Variants in FCER2 observed in about 807,000 individuals in gnomAD.
The protein encoded by FCER2 is Fc epsilon receptor II.
Under a neutral mutation model 49.7 loss-of-function variants are expected in FCER2, and 38 were observed. The observed-to-expected ratio is 0.76, with a 90% CI of 0.59 to 1.00. The LOEUF (loss-of-function observed/expected upper bound fraction) is 1.00, where lower values mean the gene tolerates loss of function less well. Ranked by LOEUF, FCER2 falls within the 50% of genes least tolerant of loss-of-function variation. The pLI is 0.00. For missense variants in FCER2, 425 were observed against 419.5 expected, an observed-to-expected ratio of 1.01 and a Z score of -0.11; for synonymous variants, 163 against 164.6, an observed-to-expected ratio of 0.99 and a Z score of 0.07.
intron 2 of FCER2, chr19:7,699,466 T>C: frequency 2.8e-6 from 4 of 1,445,846 alleles, no homozygotes; most frequent in Non-Finnish European, 3.6e-6. Flanking sequence ...CCCCGCTCCC[T>C]AGCTGAAGCC....
At position 7,697,544 on chromosome 19, in the gene FCER2, A is replaced by G; in HGVS notation, c.236T>C (p.Met79Thr). ...TCACTCACACTGGGATTTCTGCGCC[A>G]TCTGGTCACCGTGGTGGCTTTCCAA... ...KNLESHHGDQMAQKSQSTQIS... is the reference protein window; with the variant it reads ...KNLESHHGDQTAQKSQSTQIS... Residue 79 changes from methionine to threonine, a missense_variant, in exon 5 of 11, where the codon ATG becomes ACG. Coordinates refer to ENST00000597921, the MANE Select transcript of FCER2 (RefSeq NM_001220500.2). The G allele has an allele frequency of 6.2e-7, 1 of 1,613,986 alleles. No individual in the cohort carries two copies. The highest frequency in any genetic ancestry group is 8.5e-7 in the Non-Finnish European group (1 of 1,179,950).
chr19:7,700,617 C>T (rs59268083), intron 1 of FCER2, among the ~76,000 whole-genome samples: 68 of 151,914 alleles, frequency 4.5e-4, no homozygotes, highest in African/African-American at 1.3e-3. Flanking sequence ...TGGGTTCAAG[C>T]GATTCTCCCG....
At chr19:7,693,367 C>T (rs1236582877) in intron 8 of FCER2, among the ~76,000 whole-genome samples, 1 of 152,080 alleles carries the variant, frequency 6.6e-6, no homozygotes, top group Non-Finnish European at 1.5e-5. Flanking sequence ...CTCCCCTTCC[C>T]CCCACCGCAG....
In FCER2 at chr19:7,699,664, G is replaced by T. The variant is rs752360163; in HGVS notation, c.22+75C>A. On this transcript the variant is annotated intron_variant, in intron 2 of 10. Transcript: ENST00000597921. ...TCCCAGAGAGGGACTGGGGAGCCCCGCTTCTCTTCTGGGTGAAAGGCAGTA... is the reference window on the plus strand; with the variant it reads ...TCCCAGAGAGGGACTGGGGAGCCCCTCTTCTCTTCTGGGTGAAAGGCAGTA... 3.5e-5 allele frequency: 45 copies of T among 1,295,480 alleles called. 1 individual carries two copies. The Middle Eastern group carries it at 5.8e-4, about 17-fold the overall frequency. The allele number at this position is 1,295,480 out of a possible 1,614,324, so 80.2% of individuals were successfully genotyped here. A position where few individuals can be genotyped will look rare whatever the true frequency, so the allele number is the denominator to read the frequency against.
intron 10 of FCER2, 61 bp downstream of exon 10, chr19:7,690,098 G>T: frequency 9.5e-7 from 1 of 1,056,266 alleles, no homozygotes; most frequent in Non-Finnish European, 1.5e-6. Context: ...TTTATCTAGG[G>T]AGCTCCTCCC....
At chr19:7,689,755 G>A (rs1259470951) in intron 10 of FCER2, among the ~76,000 whole-genome samples, 1 of 152,142 alleles carries the variant, frequency 6.6e-6, no homozygotes, top group Non-Finnish European at 1.5e-5. Flanking sequence ...AAATAGCTGG[G>A]ATTACAGGCG....
rs1473218872 is a variant in FCER2, at chr19:7,689,352, G to C, written c.807C>G (p.Asn269Lys). ...CCAGCTTACGGTCGCAGAAGGCGTC[G>C]TTCCAGCGACCGGAGCCCCGCATCA... ...CVMMRGSGRW[N>K]DAFCDRKLGA... Residue 269 changes from asparagine (N) to lysine (K), a missense_variant, in exon 11 of 11, where the codon AAC (asparagine) becomes AAG (lysine). Asn to Lys is a moderately conservative substitution (Grantham distance 94). Transcript: ENST00000597921. 5 of 1,611,146 alleles carry C rather than the reference G, an allele frequency of 3.1e-6. No homozygotes were observed. In the Admixed American group the frequency reaches 8.4e-5, roughly 27 times the overall value.
At position 7,689,269 on chromosome 19, in the gene FCER2, G is replaced by A. The variant is rs1437613731; in HGVS notation, c.890C>T (p.Ala297Val). ...TCTPPASEGS[A>V]ESMGPDSRPD... ...TCTTGAATCAGGTCCCATGGACTCC[G>A]CGGAACCTTCGCTGGCTGGCGGCGT... Residue 297 changes from alanine (A) to valine (V), a missense_variant, in exon 11 of 11, where the codon GCG becomes GTG. Ala to Val is a moderately conservative substitution (Grantham distance 64). Coordinates refer to ENST00000597921, the MANE Select transcript of FCER2 (RefSeq NM_001220500.2). 6.2e-7 allele frequency: 1 copy of A among 1,613,706 alleles called. No individual in the cohort carries two copies. The highest frequency in any genetic ancestry group is 1.7e-5 in the Admixed American group (1 of 59,994).
At chr19:7,691,824 T>C (rs1381840376) in intron 8 of FCER2, among the ~76,000 whole-genome samples, 3 of 152,022 alleles carry the variant, frequency 2.0e-5, no homozygotes, top group Non-Finnish European at 4.4e-5. Flanking sequence ...CATGACTACA[T>C]TGCCAGTTCC....
At chr19:7,690,654 G>C (rs1295584885) in intron 8 of FCER2, 97 bp from the exon 9 acceptor site, 1 of 1,298,252 alleles carries the variant, frequency 7.7e-7, no homozygotes, top group East Asian at 2.5e-5. Context: ...GCCACTCCTG[G>C]GGTCCCGGCT....
chr19:7,693,365 C>T (rs2032931122), intron 8 of FCER2, among the ~76,000 whole-genome samples: 1 of 151,786 alleles, frequency 6.6e-6, no homozygotes, highest in African/African-American at 2.4e-5. Flanking sequence ...TTCTCCCCTT[C>T]CCCCCACCGC....
In FCER2 at chr19:7,689,219, T is replaced by C. The variant is rs1599430127; in HGVS notation, c.940A>G (p.Thr314Ala). ...CAAGAGTGGAGAGGGGCAGAGGGGGTGGGCAGGCGGCCGTCAGGGTCTGGT... is the reference window on the plus strand; with the variant it reads ...CAAGAGTGGAGAGGGGCAGAGGGGGCGGGCAGGCGGCCGTCAGGGTCTGGT... ...SRPDPDGRLP[T>A]PSAPLHS Residue 314 changes from threonine to alanine, a missense_variant, in exon 11 of 11, where the codon ACC becomes GCC. Thr to Ala is a moderately conservative substitution (Grantham distance 58, BLOSUM62 0). Transcript: ENST00000597921. 5.6e-6 allele frequency: 9 copies of C among 1,611,918 alleles called. No individual in the cohort carries two copies. Among genetic ancestry groups the C allele is most frequent in the Non-Finnish European group, 7.6e-6 (9 of 1,178,756 alleles).
rs755674707 is a variant in FCER2, at chr19:7,698,338, A to G, written c.190+18T>C. On this transcript the variant is annotated intron_variant, in intron 4 of 10. Transcript: ENST00000597921. ...CCTAACCCTCACCCCCACCCCCTCC[A>G]CCTTGACCCCTTCATACCGTTCCGG... The G allele has an allele frequency of 4.4e-6, 7 of 1,582,944 alleles. No homozygotes were observed. The highest frequency in any genetic ancestry group is 6.0e-6 in the Non-Finnish European group (7 of 1,159,028).
Position 7,698,781 on chromosome 19 carries a change from G to T in FCER2, c.96C>A (p.Ala32=), listed in dbSNP as rs185214885. The change falls in exon 3 of 11, where the codon GCC becomes GCA. Residue 32 remains alanine, a synonymous_variant. Transcript: ENST00000597921. Reference sequence around the variant, plus strand: ...GAGTCAGCAGCCCAGCCCACAGAGCGGCGGTCACCAGCCCCAGCAGCACGA... The same window carrying T: ...GAGTCAGCAGCCCAGCCCACAGAGCTGCGGTCACCAGCCCCAGCAGCACGA... ...TQIVLLGLVT[A]ALWAGLLTLL... The T allele has an allele frequency of 5.0e-6, 8 of 1,612,656 alleles. No individual in the cohort carries two copies. The highest frequency in any genetic ancestry group is 1.6e-4 in the Middle Eastern group (1 of 6,064).
chr19:7,688,789 C>T lies in FCER2; in HGVS notation c.*404G>A, dbSNP rs2146263903. 1 of 181,406 alleles carries T rather than the reference C, an allele frequency of 5.5e-6. No individual in the cohort carries two copies. The highest frequency in any genetic ancestry group is 1.1e-5 in the Non-Finnish European group (1 of 87,816). The allele number at this position is 181,406 out of a possible 1,614,324, so 11.2% of individuals were successfully genotyped here. A position where few individuals can be genotyped will look rare whatever the true frequency, so the allele number is the denominator to read the frequency against. ...AGGGGACAAATGTGGGAGGCCATCA[C>T]TGCCCCATTTTATTGATGCAGGCTG... is the stretch of plus-strand genomic sequence containing the variant. On this transcript the variant is annotated 3_prime_UTR_variant, in exon 11 of 11. Coordinates refer to ENST00000597921, the MANE Select transcript of FCER2 (RefSeq NM_001220500.2).
At chr19:7,695,803 G>C (rs939133299) in intron 8 of FCER2, among the ~76,000 whole-genome samples, 10 of 152,070 alleles carry the variant, frequency 6.6e-5, no homozygotes, top group Non-Finnish European at 1.5e-4. Flanking sequence ...CGTAGTCTCA[G>C]CTACTCTGGA....
chr19:7,697,597 G>A lies in FCER2; in HGVS notation c.191-8C>T, dbSNP rs190601939. 1.4e-5 allele frequency: 23 copies of A among 1,613,520 alleles called. No homozygotes were observed. Among genetic ancestry groups the A allele is most frequent in the Middle Eastern group, 1.6e-4 (1 of 6,084 alleles). On this transcript the variant is annotated splice_polypyrimidine_tract_variant and splice_region_variant and intron_variant, in intron 4 of 10. Transcript: ENST00000597921. ...TCTTGGAAACTTGAGAGACTGGAGC[G>A]GCGGGAGAGAAGAGATATCCCAGGA... is the stretch of plus-strand genomic sequence containing the variant.
intron 8 of FCER2, among the ~76,000 whole-genome samples, chr19:7,693,289 A>C (rs1680818284): frequency 6.6e-6 from 1 of 152,120 alleles, no homozygotes; most frequent in South Asian, 2.1e-4. Context: ...TTCCAGTGGG[A>C]GGCTTTGGTC....
rs544654986 is a variant in FCER2, at chr19:7,691,306, G to A, written c.470-749C>T. On this transcript the variant is annotated intron_variant, in intron 8 of 10. Transcript: ENST00000597921. ...ATTATAATCACCTTAAATCCACCAC[G>A]GCTTGGGAACTCTTCAGTCACCAAA... 7.2e-4 allele frequency among the ~76,000 whole-genome samples: 110 copies of A among 152,154 alleles called. 1 individual carries two copies. Among genetic ancestry groups the A allele is most frequent in the African/African-American group, 2.2e-3 (91 of 41,508 alleles).
Sources: allele counts gnomAD v4.1 joint callset (sites outside exome capture counted in the v4.1 genomes callset), GRCh38; gene constraint gnomAD v4.1.1; transcripts MANE v1.5; gene names NCBI Gene and HGNC (gene_info 2026-07-23, HGNC 2026-07-21).